ME1: variants seen among roughly 807,000 people sequenced by gnomAD.
ME1 encodes NADP-dependent malic enzyme.
ME1 carries 74 observed loss-of-function variants against 66.4 expected under a neutral mutation model. The observed-to-expected ratio is 1.11, with a 90% CI of 0.92 to 1.35. ME1 has a LOEUF of 1.35. Among genes scored for constraint, ME1 ranks in the 40% most tolerant of loss-of-function variants. ME1 has a pLI of 0.00. For synonymous variants in ME1, 251 were observed against 235.6 expected, an observed-to-expected ratio of 1.07 and a Z score of -0.60; for missense variants, 750 against 694.1, an observed-to-expected ratio of 1.08 and a Z score of -0.90.
chr6:83,424,649 T>C (rs58933957), intron 1 of ME1, among the ~76,000 whole-genome samples: 3,655 of 152,230 alleles, frequency 0.024, 156 homozygotes, highest in East Asian at 0.16. Flanking sequence ...GTCCAGAAAA[T>C]GTCTACTAAA....
At position 83,391,057 on chromosome 6, in the gene ME1, T is replaced by C. The variant is rs570644702; in HGVS notation, c.362+7310A>G. Among the ~76,000 whole-genome samples the C allele has an allele frequency of 6.6e-5, 10 of 152,222 alleles. No homozygotes were observed. The South Asian group carries it at 1.5e-3, about 22-fold the overall frequency. On this transcript the variant is annotated intron_variant, in intron 3 of 13. Transcript: ENST00000369705. ...TAAATCCAGTTTACTGCTGGACTTATAAGACTATATATAGTCTTTGGTACT... is the reference window on the plus strand; with the variant it reads ...TAAATCCAGTTTACTGCTGGACTTACAAGACTATATATAGTCTTTGGTACT...
rs896009345 is a variant in ME1, at chr6:83,262,836, T to C, written c.705-9098A>G. Among the ~76,000 whole-genome samples, 3 of 152,190 alleles carry C rather than the reference T, an allele frequency of 2.0e-5. No individual in the cohort carries two copies. The South Asian group carries it at 6.2e-4, about 32-fold the overall frequency. ...AGAGCAGACCTTTTTGGTAATGTAG[T>C]AAGATACCTTCTATCTTATTTCATA... is the stretch of plus-strand genomic sequence containing the variant. On this transcript the variant is annotated intron_variant, in intron 6 of 13. Coordinates refer to ENST00000369705, the MANE Select transcript of ME1 (RefSeq NM_002395.6).
intron 6 of ME1, among the ~76,000 whole-genome samples, chr6:83,304,750 T>C (rs983018848): frequency 6.6e-6 from 1 of 152,158 alleles, no homozygotes; most frequent in Non-Finnish European, 1.5e-5. Context: ...TCATGGAAAA[T>C]TGAGTTAGCC....
At chr6:83,233,270 T>G (rs1016680770) in intron 9 of ME1, among the ~76,000 whole-genome samples, 1 of 152,110 alleles carries the variant, frequency 6.6e-6, no homozygotes, top group African/African-American at 2.4e-5. Context: ...TAGTTTTACA[T>G]TAAAATGTAT....
chr6:83,253,104 G>T (rs182910236), intron 7 of ME1, among the ~76,000 whole-genome samples: 30 of 152,216 alleles, frequency 2.0e-4, no homozygotes, highest in African/African-American at 7.0e-4. Flanking sequence ...AGTAAGACAT[G>T]TGTATTGGGG....
chr6:83,410,825 T>C (rs1348688562), intron 1 of ME1, among the ~76,000 whole-genome samples: 2 of 152,204 alleles, frequency 1.3e-5, no homozygotes, highest in African/African-American at 4.8e-5. Flanking sequence ...TTAACATAAA[T>C]TTTCCAATGG....
At chr6:83,283,206 C>T (rs1352101822) in intron 6 of ME1, among the ~76,000 whole-genome samples, 8 of 84,864 alleles carry the variant, frequency 9.4e-5, no homozygotes, top group South Asian at 6.3e-4. Context: ...CCAGCCTGGG[C>T]GACAGAGCAA....
At chr6:83,229,258 A>G (rs1206136684) in intron 9 of ME1, 2 of 423,314 alleles carry the variant, frequency 4.7e-6, no homozygotes, top group Admixed American at 3.1e-5. Context: ...AAATAATTAT[A>G]TTGTTCGTCA....
chr6:83,352,484 A>C (rs1216059798), intron 3 of ME1, among the ~76,000 whole-genome samples: 1 of 152,184 alleles, frequency 6.6e-6, no homozygotes, highest in Non-Finnish European at 1.5e-5. Flanking sequence ...TCATGATATA[A>C]TATATATAAA....
intron 5 of ME1, among the ~76,000 whole-genome samples, chr6:83,330,942 G>A (rs1366561032): frequency 3.3e-5 from 5 of 152,102 alleles, no homozygotes; most frequent in Non-Finnish European, 5.9e-5. Context: ...AATGATGACT[G>A]GTATTCATTC....
intron 3 of ME1, among the ~76,000 whole-genome samples, chr6:83,378,599 A>G (rs1769338629): frequency 6.6e-6 from 1 of 152,028 alleles, no homozygotes; most frequent in Non-Finnish European, 1.5e-5. Context: ...ACTAGAAGGT[A>G]TCTTCTTTAT....
intron 9 of ME1, among the ~76,000 whole-genome samples, chr6:83,234,736 C>T (rs1790365506): frequency 6.6e-6 from 1 of 151,192 alleles, no homozygotes; most frequent in African/African-American, 2.4e-5. Context: ...TCCACAATGC[C>T]ATCAGAGTAA....
intron 5 of ME1, among the ~76,000 whole-genome samples, chr6:83,321,673 C>A (rs1289721228): frequency 1.3e-5 from 2 of 152,198 alleles, no homozygotes; most frequent in African/African-American, 4.8e-5. Flanking sequence ...AGATAAAACT[C>A]CTATCTCCCT....
intron 6 of ME1, among the ~76,000 whole-genome samples, chr6:83,294,793 C>T (rs1049761814): frequency 2.6e-5 from 4 of 152,138 alleles, no homozygotes; most frequent in Non-Finnish European, 5.9e-5. Flanking sequence ...TAGGCAGTGC[C>T]GCCCCCCATC....
intron 3 of ME1, among the ~76,000 whole-genome samples, chr6:83,356,790 C>T (rs575262619): frequency 1.6e-4 from 24 of 152,184 alleles, no homozygotes; most frequent in African/African-American, 5.3e-4. Context: ...CAACATGATG[C>T]CGCATCACTA....
intron 6 of ME1, among the ~76,000 whole-genome samples, chr6:83,312,600 T>C (rs1767952059): frequency 6.6e-6 from 1 of 152,008 alleles, no homozygotes; most frequent in Non-Finnish European, 1.5e-5. Flanking sequence ...AGAGGGAGGT[T>C]GATGGGCAGA....
chr6:83,230,759 G>A (rs1222997177), intron 9 of ME1, among the ~76,000 whole-genome samples: 9 of 151,852 alleles, frequency 5.9e-5, no homozygotes, highest in East Asian at 5.8e-4. Flanking sequence ...GTGAAACCCC[G>A]TCTCTACTAA....
At chr6:83,224,695 A>T (rs576350971) in intron 11 of ME1, among the ~76,000 whole-genome samples, 448 of 109,786 alleles carry the variant, frequency 4.1e-3, no homozygotes, top group Non-Finnish European at 6.1e-3. Flanking sequence ...AAAAAAAAAA[A>T]AATAAAAATA....
chr6:83,212,326 G>T (rs1789907093), intron 13 of ME1, among the ~76,000 whole-genome samples: 1 of 152,200 alleles, frequency 6.6e-6, no homozygotes, highest in Admixed American at 6.5e-5. Flanking sequence ...GTGTGACCAG[G>T]TGAGACTGAT....
Sources: gnomAD v4.1 joint callset for allele counts (sites outside exome capture counted in the v4.1 genomes callset) on GRCh38, gnomAD v4.1.1 for gene constraint, MANE v1.5 for transcripts, NCBI Gene and HGNC (gene_info 2026-07-23, HGNC 2026-07-21) for gene names.